DOCK10: variants seen among roughly 807,000 people sequenced by gnomAD.
The protein encoded by DOCK10 is dedicator of cytokinesis 10.
DOCK10 carries 145 observed loss-of-function variants against 280.1 expected under a neutral mutation model. The ratio of observed to expected loss-of-function variants is 0.52; its 90% confidence interval spans 0.45 to 0.59. The LOEUF (loss-of-function observed/expected upper bound fraction) is 0.59, where lower values mean the gene tolerates loss of function less well. Among genes scored for constraint, DOCK10 ranks in the 20% least tolerant of loss-of-function variants. DOCK10 has a pLI of 0.00. For synonymous variants in DOCK10, 915 were observed against 942.2 expected, an observed-to-expected ratio of 0.97 and a Z score of 0.53; for missense variants, 2,368 against 2,651.7, an observed-to-expected ratio of 0.89 and a Z score of 2.35.
intron 1 of DOCK10, among the ~76,000 whole-genome samples, chr2:225,012,071 G>T (rs1689454973): frequency 6.6e-6 from 1 of 151,998 alleles, no homozygotes; most frequent in Non-Finnish European, 1.5e-5. Flanking sequence ...TGCATATCAT[G>T]TCTCCAGATT....
intron 8 of DOCK10, among the ~76,000 whole-genome samples, chr2:224,875,115 A>T (rs1698540185): frequency 6.6e-6 from 1 of 152,238 alleles, no homozygotes; most frequent in Admixed American, 6.5e-5. Context: ...TCAATTTAGA[A>T]TCCACCTTCT....
chr2:224,803,687 A>G lies in DOCK10; in HGVS notation c.4268+425T>C, dbSNP rs531083243. On this transcript the variant is annotated intron_variant, in intron 39 of 55. Transcript: ENST00000258390. ...AAAAAACAATTTCAGCTTCAAGAAC[A>G]TTGCAAAAAATTATAATTACTGAAA... 1.4e-4 allele frequency among the ~76,000 whole-genome samples: 21 copies of G among 152,220 alleles called. 1 individual carries two copies. The East Asian group carries it at 3.9e-3, about 28-fold the overall frequency.
intron 45 of DOCK10, among the ~76,000 whole-genome samples, chr2:224,794,260 G>A (rs1302484365): frequency 2.0e-5 from 3 of 152,178 alleles, no homozygotes; most frequent in South Asian, 2.1e-4. Context: ...CTTCCCCAAA[G>A]GGACATAGTT....
chr2:224,848,871 T>C (rs1446454667), intron 19 of DOCK10, among the ~76,000 whole-genome samples: 1 of 152,140 alleles, frequency 6.6e-6, no homozygotes, highest in Non-Finnish European at 1.5e-5. Context: ...TAACACAATC[T>C]CTTCACTAGT....
chr2:224,877,147 A>G (rs16866264), intron 7 of DOCK10, among the ~76,000 whole-genome samples: 1 of 152,158 alleles, frequency 6.6e-6, no homozygotes, highest in Non-Finnish European at 1.5e-5. Flanking sequence ...ATGTACTTAT[A>G]TGATTTGTAT....
Position 224,804,860 on chromosome 2 carries a change from C to T in DOCK10, c.4119-19G>A. 2 of 1,487,452 alleles carry T rather than the reference C, an allele frequency of 1.3e-6. No individual in the cohort carries two copies. The highest frequency in any genetic ancestry group is 9.0e-7 in the Non-Finnish European group (1 of 1,114,178). The allele number at this position is 1,487,452 out of a possible 1,614,324, so 92.1% of individuals were successfully genotyped here. A position where few individuals can be genotyped will look rare whatever the true frequency, so the allele number is the denominator to read the frequency against. On this transcript the variant is annotated intron_variant, in intron 37 of 55. Transcript: ENST00000258390. ...ACAAACGCTAGAAAGGAGAAAAAAA[C>T]CACATTTTAATTATTCATATTCTTT...
intron 7 of DOCK10, among the ~76,000 whole-genome samples, chr2:224,882,159 C>T (rs190687287): frequency 1.2e-3 from 190 of 152,310 alleles, no homozygotes; most frequent in Non-Finnish European, 2.5e-3. Flanking sequence ...GCTGTTCATT[C>T]TCTTCTACAG....
chr2:224,986,961 C>T (rs1471231126), intron 1 of DOCK10, among the ~76,000 whole-genome samples: 2 of 152,162 alleles, frequency 1.3e-5, no homozygotes, highest in Non-Finnish European at 2.9e-5. Flanking sequence ...CGCCTTCCTC[C>T]CTGCTTCCAA....
Position 224,876,146 on chromosome 2 carries a change from CTG to C in DOCK10, c.821_822del (p.Thr274ArgfsTer6). Reference sequence around the variant, plus strand: ...TGGATCCATTCATCCATATCTGACTCTGTTTCAGCTGCCAGCACAAAATAGGT... The same window carrying C: ...TGGATCCATTCATCCATATCTGACTCTTTCAGCTGCCAGCACAAAATAGGT... ...DLTYFVLAAE[T>X]ESDMDEWIHT... On this transcript the variant is annotated frameshift_variant, in exon 8 of 56. Transcript: ENST00000258390. LOFTEE classifies it high-confidence loss of function. 2 of 1,613,870 alleles carry C rather than the reference CTG, an allele frequency of 1.2e-6. No individual in the cohort carries two copies. The highest frequency in any genetic ancestry group is 1.7e-6 in the Non-Finnish European group (2 of 1,179,828).
intron 17 of DOCK10, among the ~76,000 whole-genome samples, 183 bp from the exon 18 acceptor site, chr2:224,852,625 G>A (rs1696820830): frequency 6.6e-6 from 1 of 152,088 alleles, no homozygotes; most frequent in Non-Finnish European, 1.5e-5. Context: ...ACTTAAAAGG[G>A]AAGTAAAAAG....
At chr2:225,007,045 G>T (rs925440481) in intron 1 of DOCK10, among the ~76,000 whole-genome samples, 1 of 152,164 alleles carries the variant, frequency 6.6e-6, no homozygotes, top group African/African-American at 2.4e-5. Flanking sequence ...GATAGATTCT[G>T]CAATCCATCA....
intron 1 of DOCK10, among the ~76,000 whole-genome samples, chr2:225,039,864 G>A (rs1222542832): frequency 6.6e-6 from 1 of 152,188 alleles, no homozygotes; most frequent in African/African-American, 2.4e-5. Context: ...ATTTCAGAAA[G>A]GGGAATATAC....
In DOCK10 at chr2:224,765,700, G is replaced by A; in HGVS notation, c.*21C>T. Reference sequence around the variant, plus strand: ...AAATTCAGAAAGTTCTCTTAGAGGTGGGTCTGATGCTGCAGAGCCCTCAGA... The same window carrying A: ...AAATTCAGAAAGTTCTCTTAGAGGTAGGTCTGATGCTGCAGAGCCCTCAGA... On this transcript the variant is annotated 3_prime_UTR_variant, in exon 56 of 56. Transcript: ENST00000258390. 6.7e-7 allele frequency: 1 copy of A among 1,491,934 alleles called. No individual in the cohort carries two copies. The highest frequency in any genetic ancestry group is 9.3e-7 in the Non-Finnish European group (1 of 1,074,692). The allele number at this position is 1,491,934 out of a possible 1,614,324, so 92.4% of individuals were successfully genotyped here.
intron 18 of DOCK10, among the ~76,000 whole-genome samples, chr2:224,852,019 G>A (rs902483635): frequency 1.4e-4 from 21 of 151,258 alleles, no homozygotes; most frequent in Non-Finnish European, 2.1e-4. Context: ...GCAGTTCTGC[G>A]TAGACCATAC....
intron 1 of DOCK10, among the ~76,000 whole-genome samples, chr2:224,972,718 C>A (rs4674956): frequency 0.23 from 34,328 of 152,048 alleles, 5,409 homozygotes; most frequent in African/African-American, 0.45. Context: ...AACATTCAAG[C>A]TTTTGTTCCT....
chr2:224,816,603 G>C lies in DOCK10; in HGVS notation c.3364+14C>G. 1 of 1,501,652 alleles carries C rather than the reference G, an allele frequency of 6.7e-7. No individual in the cohort carries two copies. Among genetic ancestry groups the C allele is most frequent in the Middle Eastern group, 1.7e-4 (1 of 5,842 alleles). 93.0% of individuals were successfully genotyped at this position (1,501,652 alleles called of 1,614,324 possible). ...CTTTGCAGGAACTGAGGAAAATTCT[G>C]GGAATTTTATTACCTGGAATGTTTG... On this transcript the variant is annotated intron_variant, in intron 30 of 55. Transcript: ENST00000258390.
At chr2:224,936,130 T>C (rs900751429) in intron 1 of DOCK10, among the ~76,000 whole-genome samples, 2 of 152,156 alleles carry the variant, frequency 1.3e-5, no homozygotes, top group Admixed American at 1.3e-4. Flanking sequence ...GGGAAGGACA[T>C]TGAAACTAGG....
chr2:224,808,069 C>G lies in DOCK10; in HGVS notation c.3427G>C (p.Val1143Leu). ...LHASDMPEYS[V>L]TNEFCRKHFL... Reference sequence around the variant, plus strand: ...TGTTTGCGACAAAATTCATTTGTGACTGAATATTCAGGCATATCTTTGTGA... The same window carrying G: ...TGTTTGCGACAAAATTCATTTGTGAGTGAATATTCAGGCATATCTTTGTGA... Residue 1143 changes from valine (V) to leucine (L), a missense_variant, in exon 32 of 56, where the codon GTC becomes CTC. By Grantham distance (32) the Val-to-Leu change is conservative (BLOSUM62 1). This residue lies in a region of DOCK10 where 1,159 missense variants were observed against 1,400.8 expected (regional missense o/e 0.83). Coordinates refer to ENST00000258390, the MANE Select transcript of DOCK10 (RefSeq NM_014689.3). 3.1e-6 allele frequency: 5 copies of G among 1,611,838 alleles called. No homozygotes were observed. Among genetic ancestry groups the G allele is most frequent in the Non-Finnish European group, 4.2e-6 (5 of 1,178,826 alleles).
chr2:224,849,728 G>GC, intron 18 of DOCK10, 129 bp from the exon 19 acceptor site: 2 of 641,092 alleles, frequency 3.1e-6, no homozygotes, highest in Non-Finnish European at 5.6e-6. Flanking sequence ...GCCAGGCTAA[G>GC]CTGGCATCTA....
Sources: gnomAD v4.1 joint callset for allele counts (sites outside exome capture counted in the v4.1 genomes callset) on GRCh38, gnomAD v4.1.1 for gene constraint, gnomAD v4.1.1 regional missense constraint, MANE v1.5 for transcripts, NCBI Gene and HGNC (gene_info 2026-07-23, HGNC 2026-07-21) for gene names.